The following EPN1 variants were observed in gnomAD, a reference collection of about 807,000 sequenced individuals.
The protein encoded by EPN1 is epsin-1.
A neutral mutation model predicts 56.9 loss-of-function variants in EPN1; 25 were observed. The ratio of observed to expected loss-of-function variants is 0.44; its 90% CI spans 0.32 to 0.61. The LOEUF is 0.61. EPN1 is among the 20% of genes least tolerant of loss of function. The probability of loss-of-function intolerance (pLI) is 0.05; values close to 1 mark genes in which losing one functional copy is unlikely to be tolerated. For synonymous variants in EPN1, 411 were observed against 361.8 expected (o/e 1.14, Z -1.54); for missense variants, 785 against 823.7 (o/e 0.95, Z 0.58).
In EPN1 at chr19:55,675,324, C is replaced by T. The variant is rs953112140; in HGVS notation, c.-213C>T. ...GCGGAGCCGTCGGCGTGCGGCCCTC[C>T]TTGCGTTCGTGCGTGCGCCCGTGGC... On this transcript the variant is annotated 5_prime_UTR_variant, in exon 1 of 11. Coordinates refer to ENST00000270460, the MANE Select transcript of EPN1 (RefSeq NM_001130072.2). 2 of 151,898 alleles carry T rather than the reference C, an allele frequency of 1.3e-5. No individual in the cohort carries two copies. The highest frequency in any genetic ancestry group is 4.8e-5 in the African/African-American group (2 of 41,404). 9.4% of individuals were successfully genotyped at this position (151,898 alleles called of 1,614,324 possible). A position where few individuals can be genotyped will look rare whatever the true frequency, so the allele number is the denominator to read the frequency against.
chr19:55,706,696 CAATAGT>C lies in EPN1; in HGVS notation c.*11343_*11348del, dbSNP rs1987438386. On this transcript the variant is annotated 3_prime_UTR_variant, in exon 11 of 11. Transcript: ENST00000270460. The stretch of plus-strand genomic sequence containing the variant: ...GAAGGGAAGGGAGAGATTTAAAAAA[CAATAGT>C]AAAGAGAGATTTAAAAAACAATAGT... 6.7e-6 allele frequency: 1 copy of C among 149,856 alleles called. No individual in the cohort carries two copies. Among genetic ancestry groups the C allele is most frequent in the East Asian group, 2.0e-4 (1 of 5,078 alleles). The allele number at this position is 149,856 out of a possible 1,614,324, so 9.3% of individuals were successfully genotyped here. A position where few individuals can be genotyped will look rare whatever the true frequency, so the allele number is the denominator to read the frequency against.
rs758735504 is a variant in EPN1 at position 55,692,072 on chromosome 19, C to G, written c.1066+15C>G. ...AAGTTCCGATGGTGAGTGCGTGGCCCACTTGCATGCAGCCCCTACGCCTGT... is the reference window on the plus strand; with the variant it reads ...AAGTTCCGATGGTGAGTGCGTGGCCGACTTGCATGCAGCCCCTACGCCTGT... On this transcript the variant is annotated intron_variant, in intron 7 of 10. Coordinates refer to ENST00000270460, the MANE Select transcript of EPN1 (RefSeq NM_001130072.2). The G allele has an allele frequency of 2.0e-5, 28 of 1,422,340 alleles. No individual in the cohort carries two copies. Among genetic ancestry groups the G allele is most frequent in the East Asian group, 7.9e-5 (3 of 37,862 alleles). The allele number at this position is 1,422,340 out of a possible 1,614,324, so 88.1% of individuals were successfully genotyped here.
intron 2 of EPN1, among the ~76,000 whole-genome samples, chr19:55,682,955 C>T (rs1985919207): frequency 6.6e-6 from 1 of 151,838 alleles, no homozygotes; most frequent in Non-Finnish European, 1.5e-5. Flanking sequence ...TGGGGTTTCA[C>T]CATATTGGCC....
In EPN1 at chr19:55,689,470, G is replaced by A. The variant is rs902820554; in HGVS notation, c.678+99G>A. Reference sequence around the variant, plus strand: ...CACCCCCCACCATCCTGCTGGGCCCGAAGCCCACAGGCTCACGCGTGTTGA... The same window carrying A: ...CACCCCCCACCATCCTGCTGGGCCCAAAGCCCACAGGCTCACGCGTGTTGA... On this transcript the variant is annotated intron_variant, in intron 5 of 10. Transcript: ENST00000270460. The surrounding 1 kb of genome is among the most constrained non-coding windows in gnomAD (Gnocchi z 5.7). The A allele has an allele frequency of 9.9e-5, 88 of 893,166 alleles. No homozygotes were observed. Among genetic ancestry groups the A allele is most frequent in the South Asian group, 3.4e-4 (24 of 70,068 alleles). 55.3% of individuals were successfully genotyped at this position (893,166 alleles called of 1,614,324 possible).
At position 55,694,566 on chromosome 19, in the gene EPN1, C is replaced by A. The variant is rs1568580780; in HGVS notation, c.1265-160C>A. The A allele has an allele frequency of 1.7e-5, 15 of 872,502 alleles. No individual in the cohort carries two copies. Among genetic ancestry groups the A allele is most frequent in the Non-Finnish European group, 2.4e-5 (15 of 615,446 alleles). The allele number at this position is 872,502 out of a possible 1,614,324, so 54.0% of individuals were successfully genotyped here. A position where few individuals can be genotyped will look rare whatever the true frequency, so the allele number is the denominator to read the frequency against. The stretch of plus-strand genomic sequence containing the variant: ...ATCTGGGCTGACGTGAGGTTTTGGC[C>A]TGGGCAAGCGATGCTTCCGCTCTGC... On this transcript the variant is annotated intron_variant, in intron 9 of 10. Coordinates refer to ENST00000270460, the MANE Select transcript of EPN1 (RefSeq NM_001130072.2). The surrounding 1 kb of genome is among the most constrained non-coding windows in gnomAD (Gnocchi z 4.2).
chr19:55,689,858 C>G lies in EPN1; in HGVS notation c.679-9C>G. On this transcript the variant is annotated splice_polypyrimidine_tract_variant and intron_variant, in intron 5 of 10. Coordinates refer to ENST00000270460, the MANE Select transcript of EPN1 (RefSeq NM_001130072.2). The surrounding 1 kb of genome is among the most constrained non-coding windows in gnomAD (Gnocchi z 5.7). The stretch of plus-strand genomic sequence containing the variant: ...TCATGTCTCCCTGGTCGTGCCCGTG[C>G]CCCAACAGGAGGAGCGGATCCGTCG... The G allele has an allele frequency of 6.3e-7, 1 of 1,596,226 alleles. No individual in the cohort carries two copies. The highest frequency in any genetic ancestry group is 1.1e-5 in the South Asian group (1 of 87,722).
intron 3 of EPN1, among the ~76,000 whole-genome samples, chr19:55,687,281 G>C (rs1422670403): frequency 6.6e-6 from 1 of 152,130 alleles, no homozygotes; most frequent in Non-Finnish European, 1.5e-5. Flanking sequence ...TGTGTGGAGG[G>C]CTGTGGCTGG....
At position 55,694,996 on chromosome 19, in the gene EPN1, C is replaced by A; in HGVS notation, c.1522+13C>A. The A allele has an allele frequency of 6.4e-7, 1 of 1,557,882 alleles. No homozygotes were observed. Among genetic ancestry groups the A allele is most frequent in the East Asian group, 2.4e-5 (1 of 41,588 alleles). On this transcript the variant is annotated intron_variant, in intron 10 of 10. Transcript: ENST00000270460. This position sits in a 1 kb window ranked among gnomAD's most constrained non-coding sequence, Gnocchi z 4.2. ...TTCCTGCCAGGCGGTGAGTGTGGGC[C>A]CATCACCTGCTCAAGTCCTTCCTGT...
intron 2 of EPN1, among the ~76,000 whole-genome samples, chr19:55,682,306 C>T (rs1332477047): frequency 6.6e-6 from 1 of 152,228 alleles, no homozygotes; most frequent in Non-Finnish European, 1.5e-5. Flanking sequence ...TTTCTGTCTG[C>T]CAAGACTGTT....
intron 2 of EPN1, 80 bp from the exon 3 acceptor site, chr19:55,685,316 C>G: frequency 6.5e-7 from 1 of 1,531,296 alleles, no homozygotes; most frequent in Non-Finnish European, 8.8e-7. Flanking sequence ...AGTCGGCCGC[C>G]CCAGAGCCCG....
rs1165620368 is a variant in EPN1 at position 55,701,506 on chromosome 19, A to AAAT, written c.*6152_*6154dup. 2.0e-5 allele frequency: 3 copies of AAAT among 151,524 alleles called. No individual in the cohort carries two copies. In the East Asian group the frequency reaches 5.8e-4, roughly 29 times the overall value. 9.4% of individuals were successfully genotyped at this position (151,524 alleles called of 1,614,324 possible). A position where few individuals can be genotyped will look rare whatever the true frequency, so the allele number is the denominator to read the frequency against. On this transcript the variant is annotated 3_prime_UTR_variant, in exon 11 of 11. Coordinates refer to ENST00000270460, the MANE Select transcript of EPN1 (RefSeq NM_001130072.2). ...TATTTTTTTCTCTTAGTATCTTAAG[A>AAAT]AATACATGATTTGAACAAGGACCTT...
chr19:55,695,060 C>G lies in EPN1; in HGVS notation c.1522+77C>G. The G allele has an allele frequency of 6.3e-7, 1 of 1,596,374 alleles. No individual in the cohort carries two copies. Among genetic ancestry groups the G allele is most frequent in the Non-Finnish European group, 8.5e-7 (1 of 1,171,224 alleles). Reference sequence around the variant, plus strand: ...GGAGGTGCCTCACGGGGCAGGGACACTTCGCCCTTTGCCTGCACATGCTGG... The same window carrying G: ...GGAGGTGCCTCACGGGGCAGGGACAGTTCGCCCTTTGCCTGCACATGCTGG... On this transcript the variant is annotated intron_variant, in intron 10 of 10. Transcript: ENST00000270460. This position sits in a 1 kb window ranked among gnomAD's most constrained non-coding sequence, Gnocchi z 4.4.
In EPN1 at chr19:55,695,272, C is replaced by T. The variant is rs1341326287; in HGVS notation, c.1647C>T (p.Ile549=). Residue 549 remains isoleucine, a synonymous_variant, in exon 11 of 11, where the codon ATC becomes ATT. Transcript: ENST00000270460. This position sits in a 1 kb window ranked among gnomAD's most constrained non-coding sequence, Gnocchi z 4.4. ...PPVPGAPPTY[I]SPLGGGPGLP... is the part of the protein sequence containing the mutation. ...TCCCTGGAGCGCCACCCACGTACAT[C>T]TCTCCCCTTGGCGGGGGCCCTGGCC... 6.2e-7 allele frequency: 1 copy of T among 1,605,554 alleles called. No homozygotes were observed. The highest frequency in any genetic ancestry group is 8.5e-7 in the Non-Finnish European group (1 of 1,177,382).
chr19:55,678,540 C>T lies in EPN1; in HGVS notation c.-88C>T. On this transcript the variant is annotated 5_prime_UTR_variant, in exon 2 of 11. Coordinates refer to ENST00000270460, the MANE Select transcript of EPN1 (RefSeq NM_001130072.2). ...TTCCCCTCGCAGATGCGGTGACCTG[C>T]CAGCACCTGCCGCAGCCTTCGTCCG... 1.3e-6 allele frequency: 2 copies of T among 1,544,360 alleles called. No homozygotes were observed.
chr19:55,681,798 CA>C (rs1985836275), intron 2 of EPN1, among the ~76,000 whole-genome samples: 1 of 150,380 alleles, frequency 6.6e-6, no homozygotes, highest in African/African-American at 2.5e-5. Context: ...ACTTATTTTG[CA>C]AACTTTTTTT....
intron 1 of EPN1, among the ~76,000 whole-genome samples, chr19:55,676,034 G>C (rs1195348221): frequency 6.6e-6 from 1 of 152,182 alleles, no homozygotes; most frequent in African/African-American, 2.4e-5. Context: ...CCGGCTGCCT[G>C]CTAAGCTGTG....
rs764629394 is a variant in EPN1, at chr19:55,695,257, G to A, written c.1632G>A (p.Ala544=). Residue 544 remains alanine, a synonymous_variant, in exon 11 of 11, where the codon GCG becomes GCA. Coordinates refer to ENST00000270460, the MANE Select transcript of EPN1 (RefSeq NM_001130072.2). This position sits in a 1 kb window ranked among gnomAD's most constrained non-coding sequence, Gnocchi z 4.4. Reference sequence around the variant, plus strand: ...GTCCTGTGCCTCCCGTCCCTGGAGCGCCACCCACGTACATCTCTCCCCTTG... The same window carrying A: ...GTCCTGTGCCTCCCGTCCCTGGAGCACCACCCACGTACATCTCTCCCCTTG... ...RLSPVPPVPG[A]PPTYISPLGG... 32 of 1,609,842 alleles carry A rather than the reference G, an allele frequency of 2.0e-5. No homozygotes were observed. The highest frequency in any genetic ancestry group is 1.6e-4 in the Middle Eastern group (1 of 6,080).
At position 55,698,876 on chromosome 19, in the gene EPN1, G is replaced by C. The variant is rs1264024451; in HGVS notation, c.*3520G>C. ...TTCTCCTGCCTCAGCCTCTCGAGTA[G>C]CTGGGATTACAGGTGCCCACCACCA... On this transcript the variant is annotated 3_prime_UTR_variant, in exon 11 of 11. Transcript: ENST00000270460. 1 of 152,290 alleles carries C rather than the reference G, an allele frequency of 6.6e-6. No individual in the cohort carries two copies. The highest frequency in any genetic ancestry group is 1.5e-5 in the Non-Finnish European group (1 of 68,152). The allele number at this position is 152,290 out of a possible 1,614,324, so 9.4% of individuals were successfully genotyped here. A position where few individuals can be genotyped will look rare whatever the true frequency, so the allele number is the denominator to read the frequency against.
Position 55,694,964 on chromosome 19 carries a change from C to T in EPN1, c.1503C>T (p.Ser501=). Reference sequence around the variant, plus strand: ...CCACGCCGCCTGGAGCCAAGGCCTCCAACCCCTTCCTGCCAGGCGGTGAGT... The same window carrying T: ...CCACGCCGCCTGGAGCCAAGGCCTCTAACCCCTTCCTGCCAGGCGGTGAGT... ...PGPTPPGAKA[S]NPFLPGGGPA... The change falls in exon 10 of 11, where the codon TCC becomes TCT. Residue 501 remains serine (S), a synonymous_variant. Coordinates refer to ENST00000270460, the MANE Select transcript of EPN1 (RefSeq NM_001130072.2). The surrounding 1 kb of genome is among the most constrained non-coding windows in gnomAD (Gnocchi z 4.2). 6.4e-7 allele frequency: 1 copy of T among 1,556,912 alleles called. No individual in the cohort carries two copies. The highest frequency in any genetic ancestry group is 1.2e-5 in the South Asian group (1 of 84,968).
Sources: allele counts gnomAD v4.1 joint callset (sites outside exome capture counted in the v4.1 genomes callset), GRCh38; gene constraint gnomAD v4.1.1; non-coding constraint Gnocchi (gnomAD v3.1); transcripts MANE v1.5; gene names NCBI Gene and HGNC (gene_info 2026-07-23, HGNC 2026-07-21).